Variants in ERC1 observed in about 807,000 individuals in gnomAD.
ERC1 encodes the protein RAB6 interacting protein 2.
A neutral mutation model predicts 132.0 loss-of-function variants in ERC1; 56 were observed. The observed-to-expected ratio is 0.42, with a 90% CI of 0.34 to 0.53. The LOEUF is 0.53. ERC1 is among the 20% of genes least tolerant of loss of function. The probability of loss-of-function intolerance (pLI) is 0.03; values close to 1 mark genes in which losing one functional copy is unlikely to be tolerated. For missense variants in ERC1, 1,202 were observed against 1,349.9 expected (o/e 0.89, Z 1.72); for synonymous variants, 478 against 476.1 (o/e 1.00, Z -0.05).
intron 3 of ERC1, among the ~76,000 whole-genome samples, chr12:1,097,650 T>C (rs1315582792): frequency 6.6e-6 from 1 of 152,132 alleles, no homozygotes; most frequent in Non-Finnish European, 1.5e-5. Context: ...AGGGGACCCT[T>C]GTCAGGTTAG....
chr12:1,408,823 A>AGGG (rs1395933951), intron 17 of ERC1, among the ~76,000 whole-genome samples: 1 of 152,236 alleles, frequency 6.6e-6, no homozygotes, highest in African/African-American at 2.4e-5. Context: ...ATGAATCTGA[A>AGGG]GGGAACCATA....
At chr12:1,388,363 A>AG (rs2089611451) in intron 16 of ERC1, among the ~76,000 whole-genome samples, 1 of 151,610 alleles carries the variant, frequency 6.6e-6, no homozygotes, top group Admixed American at 6.6e-5. Flanking sequence ...AAAAAAAAAA[A>AG]AAAAATTAGC....
intron 8 of ERC1, among the ~76,000 whole-genome samples, chr12:1,179,439 T>C (rs1227901988): frequency 6.6e-6 from 1 of 152,070 alleles, no homozygotes; most frequent in East Asian, 1.9e-4. Context: ...TGGCTTCAGC[T>C]GTATAATGAT....
At chr12:1,185,365 C>CT (rs141857684) in intron 11 of ERC1, among the ~76,000 whole-genome samples, 78 of 148,174 alleles carry the variant, frequency 5.3e-4, no homozygotes, top group African/African-American at 1.8e-3. Context: ...ATGCTTAATG[C>CT]TTTTTTTTTT....
At chr12:1,378,429 CT>C (rs1253824821) in intron 16 of ERC1, among the ~76,000 whole-genome samples, 2 of 152,168 alleles carry the variant, frequency 1.3e-5, no homozygotes, top group African/African-American at 4.8e-5. Flanking sequence ...TGAAAATCAC[CT>C]TTTGGGACTT....
intron 13 of ERC1, among the ~76,000 whole-genome samples, chr12:1,240,982 G>A (rs1263023607): frequency 6.6e-6 from 1 of 151,966 alleles, no homozygotes; most frequent in African/African-American, 2.4e-5. Context: ...TCTTTTTCTG[G>A]ACATTTCTTA....
In ERC1 at chr12:1,493,233, C is replaced by T. The variant is rs889378723; in HGVS notation, c.*3003C>T. 4 of 191,894 alleles carry T rather than the reference C, an allele frequency of 2.1e-5. No homozygotes were observed. Among genetic ancestry groups the T allele is most frequent in the African/African-American group, 9.3e-5 (4 of 42,924 alleles). 11.9% of individuals were successfully genotyped at this position (191,894 alleles called of 1,614,324 possible). On this transcript the variant is annotated 3_prime_UTR_variant, in exon 19 of 19. Coordinates refer to ENST00000360905, the MANE Select transcript of ERC1 (RefSeq NM_178040.4). The stretch of plus-strand genomic sequence containing the variant: ...TTGAAATGGAAAAATTTTGAACGGG[C>T]TTTAACATGTTTAAGAAATATGGAT...
At chr12:1,098,370 C>T (rs974981972) in intron 3 of ERC1, among the ~76,000 whole-genome samples, 2 of 152,186 alleles carry the variant, frequency 1.3e-5, no homozygotes, top group Non-Finnish European at 2.9e-5. Context: ...CAAGATCACC[C>T]TGGTGCTCTC....
At chr12:1,474,105 T>C (rs528497391) in intron 18 of ERC1, among the ~76,000 whole-genome samples, 31 of 152,356 alleles carry the variant, frequency 2.0e-4, no homozygotes, top group African/African-American at 7.5e-4. Flanking sequence ...TAGGGGCTTG[T>C]GGGCCAGACC....
intron 15 of ERC1, among the ~76,000 whole-genome samples, chr12:1,301,008 C>T (rs570612090): frequency 1.4e-5 from 2 of 146,870 alleles, no homozygotes; most frequent in East Asian, 2.0e-4. Flanking sequence ...ATTACTCAGC[C>T]GTTAAAAGTA....
At chr12:1,232,471 G>T (rs1477507245) in intron 12 of ERC1, among the ~76,000 whole-genome samples, 1 of 152,138 alleles carries the variant, frequency 6.6e-6, no homozygotes, top group Non-Finnish European at 1.5e-5. Context: ...CGGAGCTTCT[G>T]TATGCTTTTG....
chr12:1,477,240 A>C (rs1028680908), intron 18 of ERC1, among the ~76,000 whole-genome samples: 1 of 152,206 alleles, frequency 6.6e-6, no homozygotes, highest in African/African-American at 2.4e-5. Flanking sequence ...AAAAGAAATA[A>C]ATTTGAAAGA....
At position 1,402,616 on chromosome 12, in the gene ERC1, C is replaced by CACACACACACACAT. The variant is rs2091171611; in HGVS notation, c.2926-5520_2926-5519insTACACACACACACA. Among the ~76,000 whole-genome samples the CACACACACACACAT allele has an allele frequency of 3.7e-5, 5 of 134,072 alleles. No individual in the cohort carries two copies. The South Asian group carries it at 1.1e-3, about 30-fold the overall frequency. The allele number at this position is 134,072 out of a possible 152,430, so 88.0% of individuals were successfully genotyped here. On this transcript the variant is annotated intron_variant, in intron 16 of 18. Transcript: ENST00000360905. ...AAAAGAATATCTGTGTAACCCCCAA[C>CACACACACACACAT]ACACACACACACACACACACACACA...
At chr12:1,403,041 A>C (rs2091205503) in intron 16 of ERC1, among the ~76,000 whole-genome samples, 1 of 152,244 alleles carries the variant, frequency 6.6e-6, no homozygotes, top group Non-Finnish European at 1.5e-5. Context: ...TAGTTTCTGT[A>C]ACAAGTTATT....
intron 17 of ERC1, among the ~76,000 whole-genome samples, chr12:1,421,932 A>C (rs2092446121): frequency 6.6e-6 from 1 of 152,132 alleles, no homozygotes. Flanking sequence ...AAGCTGAGGC[A>C]GGAGAATTGC....
chr12:1,145,091 A>G (rs935433128), intron 8 of ERC1, among the ~76,000 whole-genome samples: 1 of 151,516 alleles, frequency 6.6e-6, no homozygotes, highest in African/African-American at 2.4e-5. Context: ...ATCTCGGCTC[A>G]CTGCAACCTC....
intron 10 of ERC1, among the ~76,000 whole-genome samples, chr12:1,182,821 C>T (rs982431466): frequency 1.4e-5 from 2 of 143,040 alleles, no homozygotes; most frequent in Admixed American, 1.4e-4. Flanking sequence ...ACTACCATGC[C>T]CAGCTAAGTT....
At chr12:1,437,961 C>A (rs2092992673) in intron 17 of ERC1, among the ~76,000 whole-genome samples, 2 of 152,226 alleles carry the variant, frequency 1.3e-5, no homozygotes, top group African/African-American at 4.8e-5. Flanking sequence ...CCCTTTCAAT[C>A]TGAAACCTTT....
chr12:1,037,483 A>G (rs913141495), intron 2 of ERC1, among the ~76,000 whole-genome samples: 4 of 152,292 alleles, frequency 2.6e-5, no homozygotes, highest in Admixed American at 6.5e-5. Context: ...GGAACTTGCC[A>G]TCTGTTATGA....
Sources: allele counts gnomAD v4.1 joint callset (sites outside exome capture counted in the v4.1 genomes callset), GRCh38; gene constraint gnomAD v4.1.1; transcripts MANE v1.5; gene names NCBI Gene and HGNC (gene_info 2026-07-23, HGNC 2026-07-21).